R3HDM1: variants seen among roughly 807,000 people sequenced by gnomAD.
The protein encoded by R3HDM1 is R3H domain containing 1, also known as R3H domain-containing protein 1.
Under a neutral mutation model 141.1 loss-of-function variants are expected in R3HDM1, and 46 were observed. The ratio of observed to expected loss-of-function variants is 0.33; its 90% CI spans 0.26 to 0.42. The LOEUF is 0.42. Among genes scored for constraint, R3HDM1 ranks in the 10% least tolerant of loss-of-function variants. The pLI is 1.00. For synonymous variants in R3HDM1, 435 were observed against 472.9 expected (o/e 0.92, Z 1.04); for missense variants, 1,184 against 1,368.3 (o/e 0.87, Z 2.12).
chr2:135,669,024 C>A (rs1188140642), intron 19 of R3HDM1: 1 of 649,148 alleles, frequency 1.5e-6, no homozygotes, highest in African/African-American at 2.0e-5. Context: ...AGTTCTTCTC[C>A]TTCCCAATTG....
intron 21 of R3HDM1, among the ~76,000 whole-genome samples, chr2:135,694,066 T>C (rs2072863674): frequency 2.0e-5 from 3 of 152,254 alleles, no homozygotes; most frequent in African/African-American, 7.2e-5. Context: ...AAATCTTCCC[T>C]ACCTACTTTT....
At position 135,710,209 on chromosome 2, in the gene R3HDM1, G is replaced by C. The variant is rs2075457514; in HGVS notation, c.2714G>C (p.Ser905Thr). The change falls in exon 23 of 27, where the codon AGC (serine) becomes ACC (threonine). Residue 905 changes from serine to threonine, a missense_variant. Around this residue, in one of 5 missense-constraint regions of R3HDM1, gnomAD observed 563 missense variants for 562.0 expected, o/e 1.00. Coordinates refer to ENST00000683871, the MANE Select transcript of R3HDM1 (RefSeq NM_001378107.1). Reference protein sequence around the residue: ...HQRGQKCVEFSSVDNIVQHSP... With the variant: ...HQRGQKCVEFTSVDNIVQHSP... ...AGAGGACAGAAGTGTGTAGAATTTA[G>C]CAGTGTAGACAATATTGTCCAGGTA... 6.2e-7 allele frequency: 1 copy of C among 1,613,850 alleles called. No homozygotes were observed. Among genetic ancestry groups the C allele is most frequent in the Non-Finnish European group, 8.5e-7 (1 of 1,179,934 alleles).
chr2:135,568,152 A>T (rs1043053190), intron 1 of R3HDM1, among the ~76,000 whole-genome samples: 2 of 150,908 alleles, frequency 1.3e-5, no homozygotes, highest in African/African-American at 4.9e-5. Context: ...ACTTCCCCAG[A>T]CTCAGGTGAT....
intron 1 of R3HDM1, among the ~76,000 whole-genome samples, chr2:135,576,380 A>T (rs952705171): frequency 6.6e-5 from 10 of 151,980 alleles, no homozygotes; most frequent in African/African-American, 2.2e-4. Flanking sequence ...AAAAAAAAAT[A>T]AAAAAAAGTG....
chr2:135,534,238 A>C lies in R3HDM1; in HGVS notation c.-250+2605A>C, dbSNP rs190241968. 2.6e-5 allele frequency among the ~76,000 whole-genome samples: 4 copies of C among 152,338 alleles called. No individual in the cohort carries two copies. In the East Asian group the frequency reaches 7.7e-4, roughly 29 times the overall value. ...GTGGTTAACTATTGTAATATCTTTT[A>C]AATTTTATTTAGCTGTTAAATGTTT... On this transcript the variant is annotated intron_variant, in intron 1 of 26. Coordinates refer to ENST00000683871, the MANE Select transcript of R3HDM1 (RefSeq NM_001378107.1).
At chr2:135,616,634 A>G in intron 4 of R3HDM1, 34 bp from the exon 5 acceptor site, 1 of 1,512,758 alleles carries the variant, frequency 6.6e-7, no homozygotes. Flanking sequence ...TAGATTTCTG[A>G]AATGTAGTGT....
At position 135,531,521 on chromosome 2, in the gene R3HDM1, G is replaced by A; in HGVS notation, c.-362G>A. The A allele has an allele frequency of 1.0e-6, 1 of 985,660 alleles. No individual in the cohort carries two copies. Among genetic ancestry groups the A allele is most frequent in the Non-Finnish European group, 1.2e-6 (1 of 829,930 alleles). 61.1% of individuals were successfully genotyped at this position (985,660 alleles called of 1,614,324 possible). A position where few individuals can be genotyped will look rare whatever the true frequency, so the allele number is the denominator to read the frequency against. ...GCGGCTGCCGCTGGAGCCGGTGTCC[G>A]GGCTGGTGATGGGGTTAATTCCCTT... On this transcript the variant is annotated 5_prime_UTR_variant, in exon 1 of 27. Coordinates refer to ENST00000683871, the MANE Select transcript of R3HDM1 (RefSeq NM_001378107.1).
chr2:135,594,038 G>A (rs1260102980), intron 1 of R3HDM1, among the ~76,000 whole-genome samples: 3 of 152,136 alleles, frequency 2.0e-5, no homozygotes, highest in Non-Finnish European at 2.9e-5. Flanking sequence ...AATTTTCTAT[G>A]TACCAGCACC....
intron 1 of R3HDM1, among the ~76,000 whole-genome samples, chr2:135,588,606 C>T (rs1386834742): frequency 6.6e-6 from 1 of 151,928 alleles, no homozygotes; most frequent in Non-Finnish European, 1.5e-5. Context: ...TTTTGAGAAA[C>T]TTATGCTTGA....
At chr2:135,659,089 T>TGTGTGTGTGTGTG (rs2066322520) in intron 18 of R3HDM1, among the ~76,000 whole-genome samples, 1 of 76,194 alleles carries the variant, frequency 1.3e-5, no homozygotes, top group African/African-American at 9.5e-5. Context: ...GTGTGTGTGT[T>TGTGTGTGTGTGTG]TGGTTTGGAG....
At chr2:135,585,659 A>G (rs1707733229) in intron 1 of R3HDM1, among the ~76,000 whole-genome samples, 3 of 152,178 alleles carry the variant, frequency 2.0e-5, no homozygotes, top group Admixed American at 1.3e-4. Flanking sequence ...ATTATTAAAC[A>G]TTGTTTTTTA....
intron 24 of R3HDM1, among the ~76,000 whole-genome samples, chr2:135,717,270 G>A (rs2076257483): frequency 6.6e-6 from 1 of 152,108 alleles, no homozygotes; most frequent in African/African-American, 2.4e-5. Flanking sequence ...GATCACTTGA[G>A]GTCAGGAGTT....
At chr2:135,626,466 A>T (rs1247431494) in intron 7 of R3HDM1, among the ~76,000 whole-genome samples, 1 of 152,186 alleles carries the variant, frequency 6.6e-6, no homozygotes, top group African/African-American at 2.4e-5. Flanking sequence ...CAGTGGGTTG[A>T]GTAATAAGTG....
At chr2:135,559,380 G>A (rs1251389669) in intron 1 of R3HDM1, among the ~76,000 whole-genome samples, 3 of 152,064 alleles carry the variant, frequency 2.0e-5, no homozygotes, top group African/African-American at 7.2e-5. Context: ...CCTTCCCAAA[G>A]TGCTGGGATT....
intron 21 of R3HDM1, among the ~76,000 whole-genome samples, chr2:135,682,200 A>G (rs1284938315): frequency 6.6e-6 from 1 of 151,704 alleles, no homozygotes; most frequent in Non-Finnish European, 1.5e-5. Context: ...TTTATTTACC[A>G]GAGAATATTG....
rs2061069174 is a variant in R3HDM1, at chr2:135,616,892, A to G, written c.303+135A>G. On this transcript the variant is annotated intron_variant, in intron 5 of 26. Transcript: ENST00000683871. ...TATTCAATAATACTTGGCACCCAAG[A>G]GATATATGAAAAGTTAGAAAACCTC... The G allele has an allele frequency of 8.3e-6, 6 of 722,324 alleles. No individual in the cohort carries two copies. In the South Asian group the frequency reaches 1.3e-4, roughly 16 times the overall value. 44.7% of individuals were successfully genotyped at this position (722,324 alleles called of 1,614,324 possible). A position where few individuals can be genotyped will look rare whatever the true frequency, so the allele number is the denominator to read the frequency against.
chr2:135,628,137 G>A (rs2105202914), intron 7 of R3HDM1, among the ~76,000 whole-genome samples: 1 of 152,274 alleles, frequency 6.6e-6, no homozygotes, highest in South Asian at 2.1e-4. Flanking sequence ...TAGTTTACCT[G>A]TTAGTTTGAG....
intron 19 of R3HDM1, among the ~76,000 whole-genome samples, chr2:135,671,995 G>A (rs911028366): frequency 3.3e-5 from 5 of 151,446 alleles, no homozygotes; most frequent in Non-Finnish European, 5.9e-5. Flanking sequence ...AAAGGCATAC[G>A]CAAACCATGA....
chr2:135,580,902 T>C (rs1706658002), intron 1 of R3HDM1, among the ~76,000 whole-genome samples: 1 of 152,188 alleles, frequency 6.6e-6, no homozygotes, highest in South Asian at 2.1e-4. Flanking sequence ...CTTTGTCTTA[T>C]TTCTTTCCCT....
Sources: allele counts gnomAD v4.1 joint callset (sites outside exome capture counted in the v4.1 genomes callset), GRCh38; gene constraint gnomAD v4.1.1; regional missense constraint gnomAD v4.1.1; transcripts MANE v1.5; gene names NCBI Gene and HGNC (gene_info 2026-07-23, HGNC 2026-07-21).